B3GAT2: variants seen among roughly 807,000 people sequenced by gnomAD.
B3GAT2 encodes the protein beta-1,3-glucuronyltransferase 2.
A neutral mutation model predicts 27.8 loss-of-function variants in B3GAT2; 26 were observed. The observed-to-expected ratio is 0.93, with a 90% confidence interval of 0.68 to 1.30. B3GAT2 has a LOEUF of 1.30. Ranked by LOEUF, B3GAT2 falls within the 50% of genes most tolerant of loss-of-function variation. The pLI, the probability that B3GAT2 is intolerant of heterozygous loss-of-function variation, is 0.00. For missense variants in B3GAT2, 458 were observed against 459.0 expected (o/e 1.00, Z 0.02); for synonymous variants, 218 against 195.1 (o/e 1.12, Z -0.98).
At chr6:70,895,333 A>C (rs1218266952) in intron 1 of B3GAT2, among the ~76,000 whole-genome samples, 3 of 152,184 alleles carry the variant, frequency 2.0e-5, no homozygotes, top group Non-Finnish European at 4.4e-5. Context: ...ACATCAACCA[A>C]GGAATTTTTT....
chr6:70,903,608 G>GTCA (rs1772547595), intron 1 of B3GAT2, among the ~76,000 whole-genome samples: 1 of 152,090 alleles, frequency 6.6e-6, no homozygotes, highest in Non-Finnish European at 1.5e-5. Context: ...GATGCTCTGT[G>GTCA]TCATCACCCA....
At chr6:70,929,742 A>T (rs908487616) in intron 1 of B3GAT2, among the ~76,000 whole-genome samples, 1 of 152,224 alleles carries the variant, frequency 6.6e-6, no homozygotes, top group Non-Finnish European at 1.5e-5. Flanking sequence ...AGGAAGAATC[A>T]GTATTGTGAA....
intron 1 of B3GAT2, among the ~76,000 whole-genome samples, chr6:70,945,819 A>C (rs1468072935): frequency 6.6e-6 from 1 of 151,628 alleles, no homozygotes. Flanking sequence ...GGGCAGCCAG[A>C]GAGAAAGGTC....
Position 70,859,438 on chromosome 6 carries a change from C to A in B3GAT2, c.*2225G>T. 1.4e-6 allele frequency: 2 copies of A among 1,442,038 alleles called. No individual in the cohort carries two copies. The highest frequency in any genetic ancestry group is 1.9e-6 in the Non-Finnish European group (2 of 1,053,792). The allele number at this position is 1,442,038 out of a possible 1,614,324, so 89.3% of individuals were successfully genotyped here. A position where few individuals can be genotyped will look rare whatever the true frequency, so the allele number is the denominator to read the frequency against. On this transcript the variant is annotated 3_prime_UTR_variant, in exon 4 of 4. Coordinates refer to ENST00000230053, the MANE Select transcript of B3GAT2 (RefSeq NM_080742.3). ...GTAGGTATGAAGACGTGATCTGCTTCTTCAGACACTTATGCCTGATTAGTG... is the reference window on the plus strand; with the variant it reads ...GTAGGTATGAAGACGTGATCTGCTTATTCAGACACTTATGCCTGATTAGTG...
intron 1 of B3GAT2, among the ~76,000 whole-genome samples, chr6:70,914,733 C>T (rs1772740683): frequency 6.7e-6 from 1 of 148,656 alleles, no homozygotes; most frequent in African/African-American, 2.5e-5. Context: ...GGGAATGATC[C>T]TAATCCAAAT....
chr6:70,883,888 G>A (rs1229829856), intron 2 of B3GAT2, among the ~76,000 whole-genome samples: 1 of 151,816 alleles, frequency 6.6e-6, no homozygotes, highest in Non-Finnish European at 1.5e-5. Context: ...AATGGAAGAC[G>A]TATTTTCTAT....
At chr6:70,899,879 C>CT (rs1229443498) in intron 1 of B3GAT2, among the ~76,000 whole-genome samples, 1 of 152,192 alleles carries the variant, frequency 6.6e-6, no homozygotes, top group African/African-American at 2.4e-5. Flanking sequence ...CTAAAAGTAT[C>CT]TTCATGTAAC....
In B3GAT2 at chr6:70,860,198, A is replaced by AGAT; in HGVS notation, c.*1462_*1464dup. On this transcript the variant is annotated 3_prime_UTR_variant, in exon 4 of 4. Coordinates refer to ENST00000230053, the MANE Select transcript of B3GAT2 (RefSeq NM_080742.3). ...GAACTAAGCCTTTTATATGTTTCAC[A>AGAT]GATGAATCAGCAGATGGCTGGCATG... 1 of 1,604,880 alleles carries AGAT rather than the reference A, an allele frequency of 6.2e-7. No individual in the cohort carries two copies. Among genetic ancestry groups the AGAT allele is most frequent in the African/African-American group, 1.3e-5 (1 of 74,676 alleles).
chr6:70,938,717 C>T (rs923521068), intron 1 of B3GAT2, among the ~76,000 whole-genome samples: 35 of 152,136 alleles, frequency 2.3e-4, no homozygotes, highest in African/African-American at 8.2e-4. Flanking sequence ...AAAGCTGAAA[C>T]TGGATCCCTT....
chr6:70,884,639 A>T (rs936347559), intron 2 of B3GAT2, among the ~76,000 whole-genome samples: 8 of 152,224 alleles, frequency 5.3e-5, no homozygotes, highest in African/African-American at 1.7e-4. Context: ...ATGGAAAATC[A>T]GGAAAAACTT....
intron 1 of B3GAT2, among the ~76,000 whole-genome samples, chr6:70,938,058 C>G: frequency 6.6e-6 from 1 of 150,872 alleles, no homozygotes; most frequent in East Asian, 1.9e-4. Flanking sequence ...AGCAAAGTCT[C>G]AGGATACAAA....
chr6:70,952,485 T>A (rs1765592667), intron 1 of B3GAT2, among the ~76,000 whole-genome samples: 1 of 151,556 alleles, frequency 6.6e-6, no homozygotes, highest in African/African-American at 2.4e-5. Flanking sequence ...TCAATAGTGT[T>A]ATTGAAAACA....
intron 1 of B3GAT2, among the ~76,000 whole-genome samples, chr6:70,929,042 G>A (rs1446926003): frequency 1.3e-5 from 2 of 152,160 alleles, no homozygotes; most frequent in African/African-American, 4.8e-5. Flanking sequence ...AAAAAAGGAT[G>A]AGTTCATGTC....
intron 2 of B3GAT2, among the ~76,000 whole-genome samples, chr6:70,866,031 A>T (rs1771845295): frequency 6.6e-6 from 1 of 152,208 alleles, no homozygotes. Context: ...GTACTAGAGA[A>T]GGAAGAACTC....
In B3GAT2 at chr6:70,955,974, C is replaced by T. The variant is rs766413949; in HGVS notation, c.456G>A (p.Gly152=). 4 of 1,471,348 alleles carry T rather than the reference C, an allele frequency of 2.7e-6. No homozygotes were observed. The highest frequency in any genetic ancestry group is 1.8e-6 in the Non-Finnish European group (2 of 1,119,410). The allele number at this position is 1,471,348 out of a possible 1,614,324, so 91.1% of individuals were successfully genotyped here. A position where few individuals can be genotyped will look rare whatever the true frequency, so the allele number is the denominator to read the frequency against. ...VPTPRRYKRP[G]LPRATEQRNA... is the part of the protein sequence containing the mutation. Reference sequence around the variant, plus strand: ...TGCGCTGCTCAGTGGCGCGCGGCAGCCCGGGCCGCTTGTAGCGCCGCGGCG... The same window carrying T: ...TGCGCTGCTCAGTGGCGCGCGGCAGTCCGGGCCGCTTGTAGCGCCGCGGCG... The change falls in exon 1 of 4, where the codon GGG becomes GGA. Residue 152 remains glycine (G), a synonymous_variant. Coordinates refer to ENST00000230053, the MANE Select transcript of B3GAT2 (RefSeq NM_080742.3).
chr6:70,871,337 A>T (rs1771934413), intron 2 of B3GAT2, among the ~76,000 whole-genome samples: 1 of 150,126 alleles, frequency 6.7e-6, no homozygotes, highest in Non-Finnish European at 1.5e-5. Context: ...AAGAATTGGT[A>T]ATTCTTTAAA....
intron 1 of B3GAT2, among the ~76,000 whole-genome samples, chr6:70,925,826 G>A (rs780977931): frequency 4.6e-5 from 7 of 152,184 alleles, no homozygotes; most frequent in Non-Finnish European, 8.8e-5. Flanking sequence ...CTGAGATCTG[G>A]GAATGGACAG....
At chr6:70,927,395 A>G (rs1313569044) in intron 1 of B3GAT2, among the ~76,000 whole-genome samples, 1 of 152,222 alleles carries the variant, frequency 6.6e-6, no homozygotes, top group Non-Finnish European at 1.5e-5. Flanking sequence ...TTGGATAAAG[A>G]GTCAAGACCC....
In B3GAT2 at chr6:70,860,311, C is replaced by G. The variant is rs374666903; in HGVS notation, c.*1352G>C. ...GTCTGGAAGCTCATCAGGTCAGACT[C>G]TCAGCACACAACTGTGGAAATGAAA... On this transcript the variant is annotated 3_prime_UTR_variant, in exon 4 of 4. Transcript: ENST00000230053. 2.5e-6 allele frequency: 4 copies of G among 1,612,608 alleles called. No homozygotes were observed. The highest frequency in any genetic ancestry group is 2.2e-5 in the East Asian group (1 of 44,846).
Sources: allele counts gnomAD v4.1 joint callset (sites outside exome capture counted in the v4.1 genomes callset), GRCh38; gene constraint gnomAD v4.1.1; transcripts MANE v1.5; gene names NCBI Gene and HGNC (gene_info 2026-07-23, HGNC 2026-07-21).